The following RABGAP1L variants were observed in gnomAD, a reference collection of about 807,000 sequenced individuals.
RABGAP1L encodes the protein rab GTPase-activating protein 1-like.
RABGAP1L carries 63 observed loss-of-function variants against 137.7 expected under a neutral mutation model. The observed-to-expected ratio is 0.46, with a 90% CI of 0.37 to 0.56. The LOEUF is 0.56. RABGAP1L is among the 20% of genes least tolerant of loss of function. The pLI is 0.00. For missense variants in RABGAP1L, 1,095 were observed against 1,244.0 expected (o/e 0.88, Z 1.80); for synonymous variants, 431 against 433.7 (o/e 0.99, Z 0.08).
At chr1:174,605,568 GT>G (rs1474872707) in intron 13 of RABGAP1L, among the ~76,000 whole-genome samples, 4 of 151,526 alleles carry the variant, frequency 2.6e-5, no homozygotes, top group African/African-American at 4.9e-5. Flanking sequence ...GATTCCACTT[GT>G]TCAAAATTTA....
chr1:174,763,520 G>T (rs1436266866), intron 18 of RABGAP1L, among the ~76,000 whole-genome samples: 1 of 150,948 alleles, frequency 6.6e-6, no homozygotes, highest in Non-Finnish European at 1.5e-5. Context: ...GCGTGGTAGC[G>T]GGCGCCTGTA....
At chr1:174,914,495 C>G (rs1000596476) in intron 19 of RABGAP1L, among the ~76,000 whole-genome samples, 1 of 152,166 alleles carries the variant, frequency 6.6e-6, no homozygotes, top group Non-Finnish European at 1.5e-5. Flanking sequence ...AGAGTGGATA[C>G]TGAAGTACAA....
At chr1:174,975,084 A>T (rs931390889) in intron 21 of RABGAP1L, among the ~76,000 whole-genome samples, 3 of 152,254 alleles carry the variant, frequency 2.0e-5, no homozygotes, top group Non-Finnish European at 4.4e-5. Context: ...TGCATCTGCA[A>T]TGATTTAGCC....
chr1:174,977,507 G>C (rs1320930878), intron 22 of RABGAP1L, among the ~76,000 whole-genome samples: 1 of 152,190 alleles, frequency 6.6e-6, no homozygotes, highest in African/African-American at 2.4e-5. Flanking sequence ...TACCTAAAAT[G>C]GGAAGGAATA....
chr1:174,896,912 T>G (rs1330194880), intron 19 of RABGAP1L: 2 of 152,250 alleles, frequency 1.3e-5, no homozygotes, highest in African/African-American at 4.8e-5. Flanking sequence ...AGGATTGACT[T>G]GGCGATGCAA....
chr1:174,795,970 GTTTATC>G (rs1374937841), intron 18 of RABGAP1L, among the ~76,000 whole-genome samples: 2 of 152,160 alleles, frequency 1.3e-5, no homozygotes, highest in African/African-American at 2.4e-5. Context: ...TTCTGTTTAT[GTTTATC>G]TTGCTAACCT....
chr1:174,585,740 G>A (rs1281767995), intron 13 of RABGAP1L, among the ~76,000 whole-genome samples: 2 of 152,190 alleles, frequency 1.3e-5, no homozygotes, highest in East Asian at 1.9e-4. Context: ...ACCCTGGAGT[G>A]GTGGCATGGC....
chr1:174,580,345 G>A lies in RABGAP1L; in HGVS notation c.1711-57030G>A, dbSNP rs151151684. On this transcript the variant is annotated intron_variant, in intron 13 of 25. Transcript: ENST00000681986. ...ACACATGCACACATATGTTTATTGC[G>A]GCACTATTCACAATAGCAAAGACTT... Among the ~76,000 whole-genome samples the A allele has an allele frequency of 1.5e-3, 231 of 152,172 alleles. 3 individuals are homozygous for A. Among genetic ancestry groups the A allele is most frequent in the South Asian group, 0.012 (58 of 4,818 alleles).
At chr1:174,371,809 T>C (rs1685134436) in intron 12 of RABGAP1L, among the ~76,000 whole-genome samples, 1 of 152,144 alleles carries the variant, frequency 6.6e-6, no homozygotes, top group Non-Finnish European at 1.5e-5. Context: ...AATTTCACAG[T>C]TCAGTAGAAG....
chr1:174,671,607 T>G (rs2148447748), intron 14 of RABGAP1L, among the ~76,000 whole-genome samples: 1 of 152,348 alleles, frequency 6.6e-6, no homozygotes. Context: ...ATGTATCACA[T>G]TTATTGATTT....
chr1:174,195,842 T>C (rs1384537274), intron 1 of RABGAP1L, among the ~76,000 whole-genome samples: 2 of 144,032 alleles, frequency 1.4e-5, no homozygotes, highest in East Asian at 2.0e-4. Context: ...TCTTCTTCTT[T>C]TTTTTTTTTT....
chr1:174,693,261 C>G (rs1041431453), intron 15 of RABGAP1L, among the ~76,000 whole-genome samples: 10 of 152,204 alleles, frequency 6.6e-5, no homozygotes, highest in African/African-American at 2.2e-4. Context: ...GAATACATTC[C>G]TAACTCTTTA....
chr1:174,438,742 G>GTGTATATATATATATATA (rs1558234875), intron 13 of RABGAP1L, among the ~76,000 whole-genome samples: 5 of 65,800 alleles, frequency 7.6e-5, no homozygotes, highest in African/African-American at 7.1e-4. Flanking sequence ...AAGTGTGTGT[G>GTGTATATATATATATATA]TGTATATATA....
At chr1:174,632,733 TTCAGCTCCA>T (rs1673531802) in intron 13 of RABGAP1L, among the ~76,000 whole-genome samples, 1 of 146,302 alleles carries the variant, frequency 6.8e-6, no homozygotes, top group African/African-American at 2.6e-5. Context: ...AGCCTTGGTT[TTCAGCTCCA>T]TCAGCTCCTT....
intron 19 of RABGAP1L, among the ~76,000 whole-genome samples, chr1:174,850,805 A>G (rs973942118): frequency 1.3e-5 from 2 of 152,244 alleles, no homozygotes; most frequent in African/African-American, 4.8e-5. Context: ...CCTTGAAAGC[A>G]GAGAGCTTTC....
chr1:174,810,256 A>G (rs1689737370), intron 18 of RABGAP1L, among the ~76,000 whole-genome samples: 1 of 152,174 alleles, frequency 6.6e-6, no homozygotes, highest in Non-Finnish European at 1.5e-5. Flanking sequence ...AGCAGTGTGA[A>G]AGACAGACAA....
At chr1:174,239,433 A>G (rs759324979) in intron 4 of RABGAP1L, among the ~76,000 whole-genome samples, 10 of 152,158 alleles carry the variant, frequency 6.6e-5, no homozygotes, top group Admixed American at 2.0e-4. Flanking sequence ...GGACCTTGGC[A>G]TATTATCTTT....
chr1:174,938,438 C>T (rs914937496), intron 19 of RABGAP1L: 3 of 152,124 alleles, frequency 2.0e-5, no homozygotes, highest in African/African-American at 7.2e-5. Flanking sequence ...GTACTTTTTC[C>T]ACACCCACCA....
chr1:174,192,819 C>T (rs1054974165), intron 1 of RABGAP1L, among the ~76,000 whole-genome samples: 6 of 152,274 alleles, frequency 3.9e-5, no homozygotes, highest in African/African-American at 1.4e-4. Context: ...TTCACATAAA[C>T]ACTTTGGGCA....
Sources: gnomAD v4.1 joint callset for allele counts (sites outside exome capture counted in the v4.1 genomes callset) on GRCh38, gnomAD v4.1.1 for gene constraint, MANE v1.5 for transcripts, NCBI Gene and HGNC (gene_info 2026-07-23, HGNC 2026-07-21) for gene names.